NOLC1: variants seen among roughly 807,000 people sequenced by gnomAD.
NOLC1 encodes the protein nucleolar and coiled-body phosphoprotein 1, also known as 140 kDa nucleolar phosphoprotein.
Under a neutral mutation model 73.4 loss-of-function variants are expected in NOLC1, and 37 were observed. That is an observed-to-expected ratio of 0.50 (90% CI 0.39 to 0.66). The LOEUF is 0.66. Ranked by LOEUF, NOLC1 falls within the 30% of genes least tolerant of loss-of-function variation. NOLC1 has a pLI of 0.00. For synonymous variants in NOLC1, 327 were observed against 302.6 expected (o/e 1.08, Z -0.84); for missense variants, 921 against 838.9 (o/e 1.10, Z -1.21).
chr10:102,155,387 A>G (rs1240889021), intron 1 of NOLC1, among the ~76,000 whole-genome samples: 1 of 151,966 alleles, frequency 6.6e-6, no homozygotes, highest in African/African-American at 2.4e-5. Context: ...TTTCAAAAAA[A>G]AAAAAAGAGA....
chr10:102,162,966 C>T lies in NOLC1; in HGVS notation c.*697C>T. 1 of 152,210 alleles carries T rather than the reference C, an allele frequency of 6.6e-6. No individual in the cohort carries two copies. The highest frequency in any genetic ancestry group is 2.1e-4 in the South Asian group (1 of 4,826). 9.4% of individuals were successfully genotyped at this position (152,210 alleles called of 1,614,324 possible). Reference sequence around the variant, plus strand: ...TGGGTCATTCTGAATATATTTTTTTCTGTAATTTTATCATTACACGATGTT... The same window carrying T: ...TGGGTCATTCTGAATATATTTTTTTTTGTAATTTTATCATTACACGATGTT... On this transcript the variant is annotated 3_prime_UTR_variant, in exon 13 of 13. Coordinates refer to ENST00000605788, the MANE Select transcript of NOLC1 (RefSeq NM_004741.5).
chr10:102,160,023 T>C lies in NOLC1; in HGVS notation c.987T>C (p.Ser329=). 1 of 1,612,706 alleles carries C rather than the reference T, an allele frequency of 6.2e-7. No individual in the cohort carries two copies. The highest frequency in any genetic ancestry group is 1.7e-4 in the Middle Eastern group (1 of 6,058). The change falls in exon 8 of 13, where the codon TCT becomes TCC. Residue 329 remains serine (S), a splice_region_variant and synonymous_variant. Coordinates refer to ENST00000605788, the MANE Select transcript of NOLC1 (RefSeq NM_004741.5). ...VESSEDSSDE[S]DSSSEEEKKP... Reference sequence around the variant, plus strand: ...GCAGTGAAGACAGCAGTGATGAGTCTGGTGAGTCAGAGGGATGCAGCCTCC... The same window carrying C: ...GCAGTGAAGACAGCAGTGATGAGTCCGGTGAGTCAGAGGGATGCAGCCTCC...
At chr10:102,154,763 G>T (rs967792806) in intron 1 of NOLC1, among the ~76,000 whole-genome samples, 1 of 151,934 alleles carries the variant, frequency 6.6e-6, no homozygotes, top group Admixed American at 6.5e-5. Flanking sequence ...TCCTGATCAG[G>T]TGATCCACCC....
Position 102,162,271 on chromosome 10 carries a change from C to T in NOLC1, c.*2C>T. On this transcript the variant is annotated 3_prime_UTR_variant, in exon 13 of 13. Transcript: ENST00000605788. ...TCTATTAAGTTTGACAGCGAGTGAC[C>T]TGAGGCCATCTTCGGTGAAGCAAGG... 1 of 1,613,180 alleles carries T rather than the reference C, an allele frequency of 6.2e-7. No homozygotes were observed. The highest frequency in any genetic ancestry group is 8.5e-7 in the Non-Finnish European group (1 of 1,179,458).
In NOLC1 at chr10:102,160,999, C is replaced by T. The variant is rs2069699577; in HGVS notation, c.1647C>T (p.Thr549=). The T allele has an allele frequency of 1.9e-6, 3 of 1,614,138 alleles. No homozygotes were observed. The highest frequency in any genetic ancestry group is 2.5e-6 in the Non-Finnish European group (3 of 1,180,018). ...CACAAGCCCCCAAGGCCAATGGCAC[C>T]TCTGCACTGACTGCCCAGAATGGAA... ...PRPQAPKANG[T]SALTAQNGKA... Residue 549 remains threonine, a synonymous_variant, in exon 10 of 13, where the codon ACC becomes ACT. Transcript: ENST00000605788.
chr10:102,157,205 G>A lies in NOLC1; in HGVS notation c.193G>A (p.Glu65Lys). The A allele has an allele frequency of 6.2e-7, 1 of 1,614,188 alleles. No homozygotes were observed. The highest frequency in any genetic ancestry group is 1.3e-5 in the African/African-American group (1 of 75,042). Residue 65 changes from glutamate (E) to lysine (K), a missense_variant, in exon 3 of 13, where the codon GAG becomes AAG. Physicochemically the swap from Glu to Lys is moderately conservative, Grantham distance 56 (BLOSUM62 1). Transcript: ENST00000605788. Reference protein sequence around the residue: ...SFWLKSAKVPERKLQANGPVA... With the variant: ...SFWLKSAKVPKRKLQANGPVA... ...CCTCAGCAGGTCTGCCAAGGTCCCA[G>A]AGCGAAAGTTACAGGCAAATGGACC...
In NOLC1 at chr10:102,162,570, G is replaced by C. The variant is rs1231160251; in HGVS notation, c.*301G>C. On this transcript the variant is annotated 3_prime_UTR_variant, in exon 13 of 13. Transcript: ENST00000605788. ...TGAAAGTCCTCATACTGAGAAATTT[G>C]TATATTTTATATTAAATCACTTACT... 1 of 206,518 alleles carries C rather than the reference G, an allele frequency of 4.8e-6. No homozygotes were observed. Among genetic ancestry groups the C allele is most frequent in the Admixed American group, 5.8e-5 (1 of 17,368 alleles). 12.8% of individuals were successfully genotyped at this position (206,518 alleles called of 1,614,324 possible).
rs1177636582 is a variant in NOLC1 at position 102,160,568 on chromosome 10, C to T, written c.1216C>T (p.Pro406Ser). ...ACCTGCAGTGAAGCCAGCTGCAGCC[C>T]CCAAGCAACCTGTGGGCGGTGGCCA... ...KSPAVKPAAA[P>S]KQPVGGGQKL... Residue 406 changes from proline (P) to serine (S), a missense_variant, in exon 10 of 13, where the codon CCC becomes TCC. By Grantham distance (74) the Pro-to-Ser change is moderately conservative. Coordinates refer to ENST00000605788, the MANE Select transcript of NOLC1 (RefSeq NM_004741.5). The T allele has an allele frequency of 6.2e-7, 1 of 1,614,200 alleles. No individual in the cohort carries two copies. The highest frequency in any genetic ancestry group is 1.1e-5 in the South Asian group (1 of 91,084).
chr10:102,163,738 TA>T lies in NOLC1; in HGVS notation c.*1471del. ...ATTCCATACTTGCTAAATAACCTGA[TA>T]ATAACCTGGTTTTCCATGTAACTGC... is the stretch of plus-strand genomic sequence containing the variant. On this transcript the variant is annotated 3_prime_UTR_variant, in exon 13 of 13. Coordinates refer to ENST00000605788, the MANE Select transcript of NOLC1 (RefSeq NM_004741.5). 6.6e-6 allele frequency: 1 copy of T among 152,352 alleles called. No individual in the cohort carries two copies. Among genetic ancestry groups the T allele is most frequent in the East Asian group, 1.9e-4 (1 of 5,194 alleles). 9.4% of individuals were successfully genotyped at this position (152,352 alleles called of 1,614,324 possible).
Position 102,156,649 on chromosome 10 carries a change from G to T in NOLC1, c.121-370G>T, listed in dbSNP as rs140085068. 9.7e-3 allele frequency among the ~76,000 whole-genome samples: 1,481 copies of T among 152,126 alleles called. 15 individuals carry two copies. The highest frequency in any genetic ancestry group is 0.034 in the African/African-American group (1,418 of 41,490). On this transcript the variant is annotated intron_variant, in intron 1 of 12. Transcript: ENST00000605788. ...GGGGTTTCACCATGTTGGCCAGGCTGGTCTTGAACTCCTGACCTCTTGATC... is the reference window on the plus strand; with the variant it reads ...GGGGTTTCACCATGTTGGCCAGGCTTGTCTTGAACTCCTGACCTCTTGATC...
intron 1 of NOLC1, among the ~76,000 whole-genome samples, chr10:102,153,152 A>G (rs1330269724): frequency 1.3e-5 from 2 of 152,164 alleles, no homozygotes; most frequent in Non-Finnish European, 2.9e-5. Context: ...GCCACTTTTT[A>G]GATACGTGAC....
chr10:102,163,833 C>A lies in NOLC1; in HGVS notation c.*1564C>A, dbSNP rs1690942473. On this transcript the variant is annotated 3_prime_UTR_variant, in exon 13 of 13. Coordinates refer to ENST00000605788, the MANE Select transcript of NOLC1 (RefSeq NM_004741.5). ...AGTCTGCATGGTAAAAGTTCTAAAT[C>A]TTACTACAAAATAATAAACTGGCTG... is the stretch of plus-strand genomic sequence containing the variant. The A allele has an allele frequency of 6.6e-6, 1 of 152,186 alleles. No individual in the cohort carries two copies. The highest frequency in any genetic ancestry group is 2.4e-5 in the African/African-American group (1 of 41,448). 9.4% of individuals were successfully genotyped at this position (152,186 alleles called of 1,614,324 possible).
At chr10:102,159,065 C>CAAAAAAA (rs35183508) in intron 5 of NOLC1, 128 bp from the exon 6 acceptor site, 17 of 357,926 alleles carry the variant, frequency 4.7e-5, no homozygotes, top group Admixed American at 8.9e-5. Flanking sequence ...ACTCCGTCTC[C>CAAAAAAA]AAAAAAAAAA....
chr10:102,161,660 AAAGT>A lies in NOLC1; in HGVS notation c.1848+3_1848+6del. The A allele has an allele frequency of 6.2e-7, 1 of 1,612,554 alleles. No individual in the cohort carries two copies. The highest frequency in any genetic ancestry group is 8.5e-7 in the Non-Finnish European group (1 of 1,178,798). ...CCCTAACACATTTCCAAAAAGGAAG[AAAGT>A]AAGTTGTCTCACTTTCTTCTCAGGA... On this transcript the variant is annotated splice_donor_variant and coding_sequence_variant, in exon 11 of 13. Coordinates refer to ENST00000605788, the MANE Select transcript of NOLC1 (RefSeq NM_004741.5). LOFTEE classifies it high-confidence loss of function.
At position 102,156,985 on chromosome 10, in the gene NOLC1, A is replaced by T. The variant is rs181986141; in HGVS notation, c.121-34A>T. 1.5e-4 allele frequency: 239 copies of T among 1,605,682 alleles called. 7 individuals are homozygous for T. The East Asian group carries it at 3.0e-3, about 20-fold the overall frequency. On this transcript the variant is annotated intron_variant, in intron 1 of 12. Coordinates refer to ENST00000605788, the MANE Select transcript of NOLC1 (RefSeq NM_004741.5). ...TTAATGAAAGCATAACCAGGATAAAATAATTTCCTTACCCAGCTCTTTTTC... is the reference window on the plus strand; with the variant it reads ...TTAATGAAAGCATAACCAGGATAAATTAATTTCCTTACCCAGCTCTTTTTC...
intron 1 of NOLC1, among the ~76,000 whole-genome samples, chr10:102,153,897 T>C (rs2069547608): frequency 6.6e-6 from 1 of 151,866 alleles, no homozygotes; most frequent in South Asian, 2.1e-4. Context: ...GGTCTTGAAC[T>C]CCTGACCTCA....
chr10:102,152,393 A>T lies in NOLC1; in HGVS notation c.-18A>T, dbSNP rs934735980. 1 of 1,606,868 alleles carries T rather than the reference A, an allele frequency of 6.2e-7. No homozygotes were observed. Among genetic ancestry groups the T allele is most frequent in the Non-Finnish European group, 8.5e-7 (1 of 1,179,946 alleles). On this transcript the variant is annotated 5_prime_UTR_variant, in exon 1 of 13. Coordinates refer to ENST00000605788, the MANE Select transcript of NOLC1 (RefSeq NM_004741.5). ...TCGTGCTGCGTCGACAACGGTAGTG[A>T]CGCGTATTGCCTGGAGGATGGCGGA...
chr10:102,158,892 C>T (rs1167899446), intron 5 of NOLC1, among the ~76,000 whole-genome samples: 1 of 151,670 alleles, frequency 6.6e-6, no homozygotes, highest in African/African-American at 2.4e-5. Flanking sequence ...GTCAGGAGTT[C>T]AAGACCAGCC....
intron 1 of NOLC1, among the ~76,000 whole-genome samples, chr10:102,153,966 C>T (rs1349044741): frequency 3.9e-5 from 6 of 152,020 alleles, no homozygotes; most frequent in African/African-American, 1.4e-4. Context: ...AGCCACCGTG[C>T]CCGGCCTCAG....
Sources: allele counts gnomAD v4.1 joint callset (sites outside exome capture counted in the v4.1 genomes callset), GRCh38; gene constraint gnomAD v4.1.1; transcripts MANE v1.5; gene names NCBI Gene and HGNC (gene_info 2026-07-23, HGNC 2026-07-21).